Variants in FAM107A observed in about 807,000 individuals in gnomAD.
The protein encoded by FAM107A is actin-associated protein FAM107A.
Under a neutral mutation model 13.7 loss-of-function variants are expected in FAM107A, and 19 were observed. The ratio of observed to expected loss-of-function variants is 1.38; its 90% CI spans 0.97 to 2.03. The LOEUF (loss-of-function observed/expected upper bound fraction) is 2.03. Among genes scored for constraint, FAM107A ranks in the 30% most tolerant of loss-of-function variants. The probability of loss-of-function intolerance (pLI) is 0.00; values close to 1 mark genes in which losing one functional copy is unlikely to be tolerated. For missense variants in FAM107A, 203 were observed against 184.4 expected (o/e 1.10, Z -0.58); for synonymous variants, 82 against 74.5 (o/e 1.10, Z -0.52).
rs563681061 is a variant in FAM107A at position 58,623,617 on chromosome 3, G to A, written c.-70+3799C>T. Among the ~76,000 whole-genome samples the A allele has an allele frequency of 4.4e-4, 67 of 152,352 alleles. No homozygotes were observed. The South Asian group carries it at 0.014, about 32-fold the overall frequency. On this transcript the variant is annotated intron_variant, in intron 1 of 3. Coordinates refer to the FAM107A transcript ENST00000465970. ...ATGCCCCGACAGGGGCTCCAGGTGG[G>A]ATGTGAGCACTGTTGTGTTTCCACC...
At chr3:58,579,651 C>G (rs2065506732), upstream of FAM107A, among the ~76,000 whole-genome samples, 1 of 152,132 alleles carries the variant, frequency 6.6e-6, no homozygotes, top group Non-Finnish European at 1.5e-5. Flanking sequence ...ATGAACCAAT[C>G]CCAGTGCCTT....
chr3:58,586,046 TATAG>T (rs1416973128), intron 1 of FAM107A, among the ~76,000 whole-genome samples: 2 of 152,162 alleles, frequency 1.3e-5, no homozygotes, highest in Non-Finnish European at 2.9e-5. Flanking sequence ...CATGCACACA[TATAG>T]AAAGGCAGTT....
chr3:58,582,913 C>A (rs2065564348), intron 1 of FAM107A, among the ~76,000 whole-genome samples: 1 of 152,188 alleles, frequency 6.6e-6, no homozygotes, highest in Non-Finnish European at 1.5e-5. Context: ...ATTCTCCCAC[C>A]TCAGCCTCCC....
At chr3:58,616,558 C>CAT (rs1334125914) in intron 1 of FAM107A, among the ~76,000 whole-genome samples, 1 of 150,960 alleles carries the variant, frequency 6.6e-6, no homozygotes, top group Non-Finnish European at 1.5e-5. Flanking sequence ...CACACACACA[C>CAT]ACACACACAC....
chr3:58,585,728 T>C (rs755032557), intron 1 of FAM107A, among the ~76,000 whole-genome samples: 1 of 152,212 alleles, frequency 6.6e-6, no homozygotes, highest in Non-Finnish European at 1.5e-5. Context: ...CAGCACGAGA[T>C]AGCGTTTCAC....
At chr3:58,586,476 C>T (rs547387185) in intron 1 of FAM107A, among the ~76,000 whole-genome samples, 7 of 152,250 alleles carry the variant, frequency 4.6e-5, no homozygotes, top group East Asian at 1.9e-4. Flanking sequence ...TGTTTGAGCC[C>T]AGGAGTTGGA....
At chr3:58,614,622 AGCC>A in intron 1 of FAM107A, among the ~76,000 whole-genome samples, 1 of 151,252 alleles carries the variant, frequency 6.6e-6, no homozygotes, top group Non-Finnish European at 1.5e-5. Context: ...CTCTTGCCTC[AGCC>A]TCCCAAGTAT....
chr3:58,596,857 A>G (rs1420952465), intron 1 of FAM107A, among the ~76,000 whole-genome samples: 2 of 152,132 alleles, frequency 1.3e-5, no homozygotes, highest in Non-Finnish European at 2.9e-5. Flanking sequence ...CCCAGTCAAT[A>G]CCTACTTTCT....
At position 58,565,198 on chromosome 3, in the gene FAM107A, A is replaced by G. The variant is rs1206782627; in HGVS notation, c.*1390T>C. 6.6e-6 allele frequency: 1 copy of G among 152,154 alleles called. No homozygotes were observed. Among genetic ancestry groups the G allele is most frequent in the African/African-American group, 2.4e-5 (1 of 41,432 alleles). 9.4% of individuals were successfully genotyped at this position (152,154 alleles called of 1,614,324 possible). ...AAAATGGGATAGGAGCAAAAGGTTAAAATATGTGGGTCTCACACAGGAAAG... is the reference window on the plus strand; with the variant it reads ...AAAATGGGATAGGAGCAAAAGGTTAGAATATGTGGGTCTCACACAGGAAAG... On this transcript the variant is annotated 3_prime_UTR_variant, in exon 4 of 4. Coordinates refer to ENST00000360997, the MANE Select transcript of FAM107A (RefSeq NM_001076778.3).
At chr3:58,596,740 A>G (rs960824523) in intron 1 of FAM107A, among the ~76,000 whole-genome samples, 2 of 152,096 alleles carry the variant, frequency 1.3e-5, no homozygotes, top group African/African-American at 4.8e-5. Context: ...GAGGTTTTAT[A>G]TATGTGTTCA....
chr3:58,588,004 G>A (rs2065624744), upstream of FAM107A, among the ~76,000 whole-genome samples: 1 of 152,152 alleles, frequency 6.6e-6, no homozygotes, highest in Admixed American at 6.5e-5. Flanking sequence ...AACGCAGGTG[G>A]TCCGACTACA....
chr3:58,586,804 A>G, intron 1 of FAM107A: 2 of 1,498,494 alleles, frequency 1.3e-6, no homozygotes, highest in Non-Finnish European at 1.8e-6. Context: ...GCCGTGCACC[A>G]CAGAGCCCTC....
At chr3:58,603,072 G>GT (rs1319495752) in intron 1 of FAM107A, among the ~76,000 whole-genome samples, 2 of 152,036 alleles carry the variant, frequency 1.3e-5, no homozygotes, top group Non-Finnish European at 1.5e-5. Flanking sequence ...CTTGAGTTTC[G>GT]TTTTTTCAAT....
chr3:58,603,432 A>G (rs901737614), intron 1 of FAM107A, among the ~76,000 whole-genome samples: 8 of 152,108 alleles, frequency 5.3e-5, no homozygotes, highest in Non-Finnish European at 1.2e-4. Context: ...TGAAATGGGG[A>G]CTTGCTGCAA....
intron 1 of FAM107A, among the ~76,000 whole-genome samples, chr3:58,614,356 T>C (rs1194665766): frequency 6.6e-6 from 1 of 152,192 alleles, no homozygotes; most frequent in Admixed American, 6.5e-5. Flanking sequence ...TATTATAAAA[T>C]GAAGCAGGAA....
upstream of FAM107A, among the ~76,000 whole-genome samples, chr3:58,581,324 G>A (rs1025380137): frequency 1.3e-5 from 2 of 152,262 alleles, no homozygotes; most frequent in Non-Finnish European, 2.9e-5. Flanking sequence ...CTGACAGGGA[G>A]GTGGAGAATT....
upstream of FAM107A, among the ~76,000 whole-genome samples, chr3:58,592,055 C>T (rs1226533444): frequency 6.6e-6 from 1 of 152,136 alleles, no homozygotes; most frequent in East Asian, 1.9e-4. Flanking sequence ...TGGTGTTTCC[C>T]CTGGGGGTTC....
chr3:58,573,305 C>T (rs749891710), intron 1 of FAM107A, among the ~76,000 whole-genome samples: 3 of 152,204 alleles, frequency 2.0e-5, no homozygotes, highest in Non-Finnish European at 4.4e-5. Flanking sequence ...GCTGAGCCAG[C>T]CTTTCTGCCT....
At chr3:58,589,240 A>G (rs773828527), upstream of FAM107A, 9 of 1,535,156 alleles carry the variant, frequency 5.9e-6, no homozygotes, top group South Asian at 2.4e-5. Flanking sequence ...CATTTTCACT[A>G]TGAAATCTGG....
Sources: gnomAD v4.1 joint callset for allele counts (sites outside exome capture counted in the v4.1 genomes callset) on GRCh38, gnomAD v4.1.1 for gene constraint, MANE v1.5 for transcripts, NCBI Gene and HGNC (gene_info 2026-07-23, HGNC 2026-07-21) for gene names.